Variants in PDZRN3 observed in about 807,000 individuals in gnomAD.
PDZRN3 encodes the protein PDZ domain containing ring finger 3.
In PDZRN3, 38 loss-of-function variants were observed where a neutral mutation model predicts 85.7. The ratio of observed to expected loss-of-function variants is 0.44; its 90% CI spans 0.34 to 0.58. PDZRN3 has a LOEUF of 0.58. Among genes scored for constraint, PDZRN3 ranks in the 20% least tolerant of loss-of-function variants. The pLI, the probability that PDZRN3 is intolerant of heterozygous loss-of-function variation, is 0.01. For missense variants in PDZRN3, 1,629 were observed against 1,506.4 expected, an observed-to-expected ratio of 1.08 and a Z score of -1.35; for synonymous variants, 759 against 638.0, an observed-to-expected ratio of 1.19 and a Z score of -2.86.
At chr3:73,452,366 G>C (rs1420416880) in intron 3 of PDZRN3, among the ~76,000 whole-genome samples, 1 of 152,180 alleles carries the variant, frequency 6.6e-6, no homozygotes, top group Non-Finnish European at 1.5e-5. Context: ...CCACCAACAT[G>C]ATAATTATTT....
intron 5 of PDZRN3, among the ~76,000 whole-genome samples, chr3:73,394,299 T>A (rs1300259437): frequency 6.6e-6 from 1 of 152,156 alleles, no homozygotes; most frequent in Admixed American, 6.5e-5. Flanking sequence ...ATAGTTCTGT[T>A]CCCAGTTAGT....
rs367581488 is a variant in PDZRN3, at chr3:73,491,592, C to CTTT, written c.919-87198_919-87197insAAA. ...AAAGAAAAACCTTGTGTGGAAGGTT[C>CTTT]CTTTTTTTTTTTTAAGAAGCAGGGT... On this transcript the variant is annotated intron_variant, in intron 3 of 9. Coordinates refer to ENST00000263666, the MANE Select transcript of PDZRN3 (RefSeq NM_015009.3). Among the ~76,000 whole-genome samples, 11 of 117,512 alleles carry CTTT rather than the reference C, an allele frequency of 9.4e-5. 1 individual carries two copies. Among genetic ancestry groups the CTTT allele is most frequent in the Non-Finnish European group, 1.8e-5 (1 of 54,928 alleles). The allele number at this position is 117,512 out of a possible 152,430, so 77.1% of individuals were successfully genotyped here.
At chr3:73,538,601 T>C (rs1255332786) in intron 3 of PDZRN3, among the ~76,000 whole-genome samples, 2 of 152,354 alleles carry the variant, frequency 1.3e-5, no homozygotes, top group South Asian at 4.1e-4. Flanking sequence ...GGTTTCTTGA[T>C]GCTACTCCTC....
At chr3:73,608,723 C>G (rs1376990971) in intron 1 of PDZRN3, 39 bp from the exon 2 acceptor site, 1 of 1,254,894 alleles carries the variant, frequency 8.0e-7, no homozygotes, top group Non-Finnish European at 1.2e-6. Context: ...TATTTACCAA[C>G]AGGGAATAGA....
At chr3:73,442,552 A>T (rs1702660089) in intron 3 of PDZRN3, among the ~76,000 whole-genome samples, 1 of 152,238 alleles carries the variant, frequency 6.6e-6, no homozygotes, top group Non-Finnish European at 1.5e-5. Flanking sequence ...AGGTGTTACA[A>T]ATCCTCGAGG....
chr3:73,396,849 G>A (rs1046309093), intron 5 of PDZRN3, among the ~76,000 whole-genome samples: 4 of 152,086 alleles, frequency 2.6e-5, no homozygotes, highest in African/African-American at 9.7e-5. Context: ...TGTAGAGCAG[G>A]TGTTCAGTGC....
chr3:73,519,248 G>A (rs115037623), intron 3 of PDZRN3, among the ~76,000 whole-genome samples: 1,727 of 151,908 alleles, frequency 0.011, 35 homozygotes, highest in African/African-American at 0.037. Context: ...ATCTATACAC[G>A]CCAGCGTAAA....
chr3:73,522,847 T>C (rs1483406313), intron 3 of PDZRN3, among the ~76,000 whole-genome samples: 1 of 152,216 alleles, frequency 6.6e-6, no homozygotes, highest in Non-Finnish European at 1.5e-5. Context: ...TCTGCAGTTT[T>C]TATATTTTAT....
chr3:73,521,070 C>A (rs1704352067), intron 3 of PDZRN3, among the ~76,000 whole-genome samples: 1 of 152,132 alleles, frequency 6.6e-6, no homozygotes, highest in Non-Finnish European at 1.5e-5. Context: ...CATGGCAGAG[C>A]CCAGGATTTA....
chr3:73,492,411 A>G (rs1703788628), intron 3 of PDZRN3, among the ~76,000 whole-genome samples: 1 of 152,078 alleles, frequency 6.6e-6, no homozygotes, highest in Non-Finnish European at 1.5e-5. Context: ...TCTTGGCCCT[A>G]GGGGGCATTT....
intron 3 of PDZRN3, among the ~76,000 whole-genome samples, chr3:73,595,325 T>C (rs1337752211): frequency 6.6e-6 from 1 of 152,236 alleles, no homozygotes; most frequent in Non-Finnish European, 1.5e-5. Flanking sequence ...GAATAGGTTT[T>C]ACTTCTTAAG....
Position 73,385,742 on chromosome 3 carries a change from T to A in PDZRN3, c.1562A>T (p.Asp521Val). 6.2e-7 allele frequency: 1 copy of A among 1,613,980 alleles called. No homozygotes were observed. The highest frequency in any genetic ancestry group is 8.5e-7 in the Non-Finnish European group (1 of 1,179,844). ...WMDDDRNDFL[D>V]DLHMDMLEEQ... ...CTCCAGCATGTCCATGTGCAGGTCA[T>A]CCAGAAAGTCGTTCCTGTCATCATC... is the stretch of plus-strand genomic sequence containing the variant. The change falls in exon 9 of 10, where the codon GAT becomes GTT. Residue 521 changes from aspartate to valine, a missense_variant. Physicochemically the swap from Asp to Val is radical, Grantham distance 152. Transcript: ENST00000263666.
intron 3 of PDZRN3, among the ~76,000 whole-genome samples, chr3:73,433,072 C>A (rs573643704): frequency 2.6e-5 from 4 of 152,314 alleles, no homozygotes; most frequent in African/African-American, 9.6e-5. Flanking sequence ...TGAATGACAG[C>A]ACCCAAGATC....
chr3:73,470,516 G>A (rs531972305), intron 3 of PDZRN3, among the ~76,000 whole-genome samples: 16 of 152,338 alleles, frequency 1.1e-4, no homozygotes, highest in African/African-American at 3.1e-4. Flanking sequence ...CAGCTAGTAA[G>A]AGGTGGTGGT....
At chr3:73,410,611 G>A (rs964893619) in intron 3 of PDZRN3, among the ~76,000 whole-genome samples, 102 of 152,272 alleles carry the variant, frequency 6.7e-4, no homozygotes, top group African/African-American at 2.3e-3. Context: ...TAGAAAAGTC[G>A]TCTTTGTGTC....
At chr3:73,624,054 G>C (rs1213290186) in intron 1 of PDZRN3, 49 bp downstream of exon 1, 50 of 1,390,338 alleles carry the variant, frequency 3.6e-5, no homozygotes, top group Middle Eastern at 2.6e-4. Flanking sequence ...CGGGGCCCTG[G>C]GTCCCCAGGG....
intron 3 of PDZRN3, among the ~76,000 whole-genome samples, chr3:73,515,173 C>CTTTTT (rs60325744): frequency 3.4e-5 from 2 of 58,054 alleles, no homozygotes; most frequent in African/African-American, 1.3e-4. Context: ...ACAATCAGCC[C>CTTTTT]TTTTTTTTTT....
intron 3 of PDZRN3, among the ~76,000 whole-genome samples, chr3:73,552,038 T>C (rs181691742): frequency 6.6e-6 from 1 of 152,280 alleles, no homozygotes; most frequent in East Asian, 1.9e-4. Context: ...TCACTGCCTT[T>C]CCTTCTTTGT....
chr3:73,549,902 T>C (rs536734119), intron 3 of PDZRN3, among the ~76,000 whole-genome samples: 1 of 152,326 alleles, frequency 6.6e-6, no homozygotes, highest in East Asian at 1.9e-4. Context: ...TATAGATCCT[T>C]GTAGCATTTT....
Sources: gnomAD v4.1 joint callset for allele counts (sites outside exome capture counted in the v4.1 genomes callset) on GRCh38, gnomAD v4.1.1 for gene constraint, MANE v1.5 for transcripts, NCBI Gene and HGNC (gene_info 2026-07-23, HGNC 2026-07-21) for gene names.